Variants in RP1 observed in about 807,000 individuals in gnomAD.
RP1 encodes oxygen-regulated protein 1.
A neutral mutation model predicts 14.8 loss-of-function variants in RP1; 16 were observed. The observed-to-expected ratio is 1.08, with a 90% CI of 0.73 to 1.65. RP1 has a LOEUF of 1.65. Among genes scored for constraint, RP1 ranks in the 40% most tolerant of loss-of-function variants. RP1 has a pLI of 0.00. For missense variants in RP1, 2,631 were observed against 2,535.0 expected, an observed-to-expected ratio of 1.04 and a Z score of -0.81; for synonymous variants, 876 against 883.6, an observed-to-expected ratio of 0.99 and a Z score of 0.15.
intron 24 of RP1, among the ~76,000 whole-genome samples, chr8:54,798,537 T>C (rs1262590903): frequency 6.6e-6 from 1 of 152,182 alleles, no homozygotes; most frequent in African/African-American, 2.4e-5. Context: ...ATTCACAAAT[T>C]GTGTCATGTT....
At position 54,621,597 on chromosome 8, in the gene RP1, G is replaced by A. The variant is rs199894846; in HGVS notation, c.615+16G>A. 2 of 1,613,974 alleles carry A rather than the reference G, an allele frequency of 1.2e-6. No homozygotes were observed. The highest frequency in any genetic ancestry group is 1.7e-6 in the Non-Finnish European group (2 of 1,180,024). Reference sequence around the variant, plus strand: ...CGGAAGGAGGGTGAGCGTTCTGGGGGCTCCTCGAGCCTGAGCTCATTTTGA... The same window carrying A: ...CGGAAGGAGGGTGAGCGTTCTGGGGACTCCTCGAGCCTGAGCTCATTTTGA... On this transcript the variant is annotated intron_variant, in intron 2 of 3. Transcript: ENST00000220676.
At chr8:54,696,707 C>T in intron 12 of RP1, 2 of 715,110 alleles carry the variant, frequency 2.8e-6, no homozygotes, top group Non-Finnish European at 5.0e-6. Flanking sequence ...TTTACTGGTG[C>T]AGAGAACCAC....
At chr8:54,618,283 C>A (rs2129313025) in intron 1 of RP1, among the ~76,000 whole-genome samples, 1 of 152,274 alleles carries the variant, frequency 6.6e-6, no homozygotes, top group African/African-American at 2.4e-5. Context: ...GGGATAGGGA[C>A]AATGGCAGCT....
chr8:54,664,989 T>C (rs1459906650), intron 7 of RP1, among the ~76,000 whole-genome samples: 10 of 152,164 alleles, frequency 6.6e-5, no homozygotes, highest in Non-Finnish European at 1.3e-4. Context: ...GAATCTAAAA[T>C]AAAAGTTGAA....
chr8:54,689,682 T>C (rs1807663075), intron 12 of RP1, among the ~76,000 whole-genome samples: 1 of 152,014 alleles, frequency 6.6e-6, no homozygotes, highest in South Asian at 2.1e-4. Flanking sequence ...TTGAAACAAA[T>C]AAAGGCACAC....
rs1806195507 is a variant in RP1 at position 54,629,707 on chromosome 8, A to G, written c.5825A>G (p.Asp1942Gly). 2 of 1,612,582 alleles carry G rather than the reference A, an allele frequency of 1.2e-6. No individual in the cohort carries two copies. The highest frequency in any genetic ancestry group is 1.7e-6 in the Non-Finnish European group (2 of 1,179,354). The change falls in exon 4 of 4, where the codon GAT becomes GGT. Residue 1942 changes from aspartate to glycine, a missense_variant. Coordinates refer to ENST00000220676, the MANE Select transcript of RP1 (RefSeq NM_006269.2). ...DRGFAYRKES[D>G]IENFLGFYLW... is the part of the protein sequence containing the mutation. ...GGATTTGCATATCGCAAAGAATCTG[A>G]TATTGAAAATTTCTTGGGTTTTTAT...
At chr8:54,729,892 A>G (rs1808750748) in intron 17 of RP1, among the ~76,000 whole-genome samples, 1 of 152,128 alleles carries the variant, frequency 6.6e-6, no homozygotes, top group Admixed American at 6.5e-5. Context: ...ATAATGAATT[A>G]TATTAATGGT....
chr8:54,697,777 A>G (rs1051694126), intron 12 of RP1, among the ~76,000 whole-genome samples: 1 of 152,224 alleles, frequency 6.6e-6, no homozygotes, highest in Admixed American at 6.5e-5. Flanking sequence ...CCTGACAAAA[A>G]CAAGCAATGG....
At chr8:54,705,416 C>T (rs900341334) in intron 14 of RP1, among the ~76,000 whole-genome samples, 4 of 152,140 alleles carry the variant, frequency 2.6e-5, no homozygotes, top group African/African-American at 9.7e-5. Flanking sequence ...GTATTGCCAG[C>T]CAAGGAAGCT....
rs539689359 is a variant in RP1, at chr8:54,621,218, C to T, written c.252C>T (p.Ser84=). The T allele has an allele frequency of 4.2e-5, 68 of 1,614,158 alleles. 1 individual carries two copies. In the South Asian group the frequency reaches 6.7e-4, roughly 16 times the overall value. The change falls in exon 2 of 4, where the codon AGC becomes AGT. Residue 84 remains serine (S), a synonymous_variant. Coordinates refer to ENST00000220676, the MANE Select transcript of RP1 (RefSeq NM_006269.2). ...TCCCTTTTGGAGTGAGGAACATCAG[C>T]ACCCCTCGGGGCAGGCACAGCATCA... ...VPLPFGVRNI[S]TPRGRHSITR... is the part of the protein sequence containing the mutation.
At chr8:54,663,687 T>G in intron 6 of RP1, 2 of 1,509,326 alleles carry the variant, frequency 1.3e-6, no homozygotes, top group Non-Finnish European at 1.8e-6. Context: ...GTTTTTTTTC[T>G]TATGTTGTCA....
chr8:54,610,885 T>C (rs1178282156), intron 1 of RP1, among the ~76,000 whole-genome samples: 5 of 152,228 alleles, frequency 3.3e-5, no homozygotes, highest in African/African-American at 9.6e-5. Flanking sequence ...TTGTTTTAAC[T>C]TGAAGGACTT....
At chr8:54,862,312 C>T (rs923752994) in intron 27 of RP1, among the ~76,000 whole-genome samples, 2 of 152,132 alleles carry the variant, frequency 1.3e-5, no homozygotes, top group Non-Finnish European at 2.9e-5. Flanking sequence ...GTCATATGCT[C>T]GCCAACACCT....
intron 24 of RP1, among the ~76,000 whole-genome samples, chr8:54,811,991 C>T (rs982093273): frequency 6.6e-6 from 1 of 152,182 alleles, no homozygotes; most frequent in African/African-American, 2.4e-5. Context: ...CAATATTTGT[C>T]AACTCAGTTT....
chr8:54,866,233 T>G (rs2129330055), intron 28 of RP1, among the ~76,000 whole-genome samples: 1 of 152,312 alleles, frequency 6.6e-6, no homozygotes, highest in South Asian at 2.1e-4. Context: ...ACTGTGAACT[T>G]GGGTACCACT....
At chr8:54,840,116 ATG>A (rs1811756524) in intron 25 of RP1, among the ~76,000 whole-genome samples, 1 of 152,162 alleles carries the variant, frequency 6.6e-6, no homozygotes, top group Non-Finnish European at 1.5e-5. Context: ...CATTGCTAAC[ATG>A]TCAATAATTC....
chr8:54,609,741 G>T (rs1296619936), intron 1 of RP1, among the ~76,000 whole-genome samples: 1 of 152,126 alleles, frequency 6.6e-6, no homozygotes, highest in Non-Finnish European at 1.5e-5. Context: ...AGAAGGGAAG[G>T]TCACCTCTAC....
At chr8:54,775,190 G>A (rs781457350) in intron 23 of RP1, among the ~76,000 whole-genome samples, 15 of 152,170 alleles carry the variant, frequency 9.9e-5, no homozygotes, top group East Asian at 1.9e-4. Flanking sequence ...TCAGAGAGGC[G>A]TGGAGATGGG....
chr8:54,800,662 T>C (rs997620677), intron 24 of RP1, among the ~76,000 whole-genome samples: 2 of 152,204 alleles, frequency 1.3e-5, no homozygotes, highest in Admixed American at 1.3e-4. Context: ...TTCTTCATCC[T>C]TGTAACTGTG....
Sources: allele counts gnomAD v4.1 joint callset (sites outside exome capture counted in the v4.1 genomes callset), GRCh38; gene constraint gnomAD v4.1.1; transcripts MANE v1.5; gene names NCBI Gene and HGNC (gene_info 2026-07-23, HGNC 2026-07-21).